RUNX2: variants seen among roughly 807,000 people sequenced by gnomAD.
RUNX2 encodes the protein runt-related transcription factor 2.
Under a neutral mutation model 51.7 loss-of-function variants are expected in RUNX2, and 10 were observed. The ratio of observed to expected loss-of-function variants is 0.19; its 90% CI spans 0.12 to 0.33. The LOEUF (loss-of-function observed/expected upper bound fraction) is 0.33. Among genes scored for constraint, RUNX2 ranks in the 10% least tolerant of loss-of-function variants. The probability of loss-of-function intolerance (pLI) is 1.00; values close to 1 mark genes in which losing one functional copy is unlikely to be tolerated. For missense variants in RUNX2, 562 were observed against 691.3 expected, an observed-to-expected ratio of 0.81 and a Z score of 2.10; for synonymous variants, 276 against 273.6, an observed-to-expected ratio of 1.01 and a Z score of -0.09.
At chr6:45,430,844 A>T (rs943207266) in intron 3 of RUNX2, among the ~76,000 whole-genome samples, 1 of 152,284 alleles carries the variant, frequency 6.6e-6, no homozygotes, top group Admixed American at 6.5e-5. Context: ...TAATCTGAAT[A>T]TAGAGTCCTG....
chr6:45,409,595 T>C (rs1355958811), intron 2 of RUNX2, among the ~76,000 whole-genome samples: 1 of 152,326 alleles, frequency 6.6e-6, no homozygotes, highest in Non-Finnish European at 1.5e-5. Flanking sequence ...CGAGGTTTTT[T>C]CCCCAATTTA....
At chr6:45,384,706 C>CTTTTTTTTTTT (rs56307239) in intron 2 of RUNX2, among the ~76,000 whole-genome samples, 1 of 61,210 alleles carries the variant, frequency 1.6e-5, no homozygotes, top group Non-Finnish European at 2.9e-5. Flanking sequence ...ATTAGGGTGT[C>CTTTTTTTTTTT]TTTTTTTTTT....
intron 6 of RUNX2, among the ~76,000 whole-genome samples, chr6:45,496,846 TA>T (rs1446930396): frequency 2.0e-5 from 3 of 151,366 alleles, no homozygotes; most frequent in Non-Finnish European, 2.9e-5. Context: ...CTCGAGAGAG[TA>T]AATGGTGGTA....
chr6:45,373,082 C>T (rs1205365320), intron 2 of RUNX2, among the ~76,000 whole-genome samples: 1 of 152,088 alleles, frequency 6.6e-6, no homozygotes, highest in Non-Finnish European at 1.5e-5. Flanking sequence ...GCTGGGATTA[C>T]AGTTGTGAGT....
chr6:45,387,007 G>C (rs1035845110), intron 2 of RUNX2, among the ~76,000 whole-genome samples: 3 of 152,162 alleles, frequency 2.0e-5, no homozygotes, highest in East Asian at 3.8e-4. Flanking sequence ...TAACAGTTCA[G>C]GAAGAGGTGA....
intron 2 of RUNX2, among the ~76,000 whole-genome samples, chr6:45,347,641 G>A (rs955885158): frequency 6.6e-6 from 1 of 151,872 alleles, no homozygotes; most frequent in Non-Finnish European, 1.5e-5. Context: ...ATATGCACAT[G>A]ACAGAGAAAA....
At chr6:45,345,283 C>A (rs1345908089) in intron 2 of RUNX2, among the ~76,000 whole-genome samples, 1 of 152,084 alleles carries the variant, frequency 6.6e-6, no homozygotes, top group Non-Finnish European at 1.5e-5. Context: ...ACATGTTTTC[C>A]TATTTGCTAT....
chr6:45,468,465 C>G (rs561279384), intron 5 of RUNX2, among the ~76,000 whole-genome samples: 3 of 152,160 alleles, frequency 2.0e-5, no homozygotes, highest in Non-Finnish European at 4.4e-5. Context: ...AAGATTGATG[C>G]AGGTGCATAT....
intron 2 of RUNX2, among the ~76,000 whole-genome samples, chr6:45,362,757 G>A (rs866980117): frequency 2.0e-5 from 3 of 152,100 alleles, no homozygotes; most frequent in Admixed American, 1.3e-4. Context: ...TTTGCATTCC[G>A]AATTCAGCTT....
chr6:45,433,781 TA>T (rs780497581), intron 4 of RUNX2, among the ~76,000 whole-genome samples: 32 of 152,194 alleles, frequency 2.1e-4, no homozygotes, highest in Non-Finnish European at 4.0e-4. Flanking sequence ...TAGCAATTTT[TA>T]TATTTAAAAA....
chr6:45,359,991 GA>G (rs1234286629), intron 2 of RUNX2, among the ~76,000 whole-genome samples: 10 of 152,090 alleles, frequency 6.6e-5, no homozygotes, highest in Admixed American at 2.6e-4. Flanking sequence ...GCAATCAACT[GA>G]AAAAACATTT....
At chr6:45,543,526 TGG>T (rs1202492056) in intron 7 of RUNX2, among the ~76,000 whole-genome samples, 2 of 152,040 alleles carry the variant, frequency 1.3e-5, no homozygotes, top group Non-Finnish European at 2.9e-5. Flanking sequence ...ACTGGGGGAG[TGG>T]CTGAGCTTTG....
chr6:45,351,503 G>A (rs1049750971), intron 2 of RUNX2, among the ~76,000 whole-genome samples: 3 of 152,126 alleles, frequency 2.0e-5, no homozygotes, highest in Admixed American at 2.0e-4. Flanking sequence ...ACAGCACACA[G>A]AAAGGAAACT....
chr6:45,496,051 AC>A (rs1800634967), intron 6 of RUNX2, among the ~76,000 whole-genome samples: 1 of 152,030 alleles, frequency 6.6e-6, no homozygotes, highest in African/African-American at 2.4e-5. Flanking sequence ...TATCATTCAG[AC>A]ATCTGCTGCT....
intron 2 of RUNX2, among the ~76,000 whole-genome samples, chr6:45,387,512 G>A (rs962004875): frequency 3.9e-5 from 6 of 152,152 alleles, no homozygotes; most frequent in South Asian, 4.1e-4. Context: ...TGAAATGCCC[G>A]AGACAGTGCA....
chr6:45,394,531 A>G (rs915926130), intron 2 of RUNX2, among the ~76,000 whole-genome samples: 1 of 152,156 alleles, frequency 6.6e-6, no homozygotes, highest in Non-Finnish European at 1.5e-5. Context: ...ACCCTAACTG[A>G]TGTGGTGGTA....
Position 45,523,592 on chromosome 6 carries a change from C to A in RUNX2, c.1021+11185C>A, listed in dbSNP as rs528078312. Reference sequence around the variant, plus strand: ...GGCCTGCATGATTATTTTAAATTAGCTCTTAGGTTTGTTAACATGCAGAAA... The same window carrying A: ...GGCCTGCATGATTATTTTAAATTAGATCTTAGGTTTGTTAACATGCAGAAA... On this transcript the variant is annotated intron_variant, in intron 7 of 8. Coordinates refer to ENST00000647337, the MANE Select transcript of RUNX2 (RefSeq NM_001024630.4). Among the ~76,000 whole-genome samples the A allele has an allele frequency of 2.6e-5, 4 of 151,936 alleles. No homozygotes were observed. The East Asian group carries it at 7.8e-4, about 30-fold the overall frequency.
intron 5 of RUNX2, among the ~76,000 whole-genome samples, chr6:45,438,581 C>T (rs967987444): frequency 6.6e-6 from 1 of 152,162 alleles, no homozygotes; most frequent in Non-Finnish European, 1.5e-5. Flanking sequence ...TGGTCATGCT[C>T]TAGTAATTGT....
In RUNX2 at chr6:45,459,857, G is replaced by A. The variant is rs907853786; in HGVS notation, c.685+21806G>A. Among the ~76,000 whole-genome samples the A allele has an allele frequency of 6.6e-5, 10 of 152,172 alleles. No homozygotes were observed. In the South Asian group the frequency reaches 8.3e-4, roughly 13 times the overall value. Reference sequence around the variant, plus strand: ...CTTGCTGATGGGGCAACATTTGAGCGGAGGCTTGAATTAAATAGGGAGCGA... The same window carrying A: ...CTTGCTGATGGGGCAACATTTGAGCAGAGGCTTGAATTAAATAGGGAGCGA... On this transcript the variant is annotated intron_variant, in intron 5 of 8. Coordinates refer to ENST00000647337, the MANE Select transcript of RUNX2 (RefSeq NM_001024630.4).
Sources: allele counts gnomAD v4.1 joint callset (sites outside exome capture counted in the v4.1 genomes callset), GRCh38; gene constraint gnomAD v4.1.1; transcripts MANE v1.5; gene names NCBI Gene and HGNC (gene_info 2026-07-23, HGNC 2026-07-21).